Variants in PSG7 observed in about 807,000 individuals in gnomAD.
PSG7 encodes pregnancy-specific beta-1-glycoprotein 7.
PSG7 carries 57 observed loss-of-function variants against 45.6 expected under a neutral mutation model. That is an observed-to-expected ratio of 1.25 (90% CI 1.01 to 1.56). PSG7 has a LOEUF of 1.56. PSG7 is among the 40% of genes most tolerant of loss of function. PSG7 has a pLI of 0.00. For missense variants in PSG7, 796 were observed against 508.4 expected, an observed-to-expected ratio of 1.57 and a Z score of -5.44; for synonymous variants, 298 against 194.4, an observed-to-expected ratio of 1.53 and a Z score of -4.43.
At chr19:42,926,129 C>T (rs1972881793) in intron 4 of PSG7, 102 bp from the exon 5 acceptor site, 1 of 1,517,892 alleles carries the variant, frequency 6.6e-7, no homozygotes, top group South Asian at 1.3e-5. Context: ...GAGACACACC[C>T]TCAAGTGACA....
Position 42,937,203 on chromosome 19 carries a change from C to A in PSG7, c.-127G>T, listed in dbSNP as rs553437768. 145 of 1,381,776 alleles carry A rather than the reference C, an allele frequency of 1.0e-4. 4 individuals are homozygous for A. Among genetic ancestry groups the A allele is most frequent in the South Asian group, 9.4e-4 (66 of 70,214 alleles). 85.6% of individuals were successfully genotyped at this position (1,381,776 alleles called of 1,614,324 possible). A position where few individuals can be genotyped will look rare whatever the true frequency, so the allele number is the denominator to read the frequency against. On this transcript the variant is annotated 5_prime_UTR_variant, in exon 1 of 6. Coordinates refer to ENST00000406070, the MANE Select transcript of PSG7 (RefSeq NM_002783.3). ...TGAGCCTCTTCCCGGGGCAGGAGCA[C>A]TTCTCAAGCTCATGGGTGGGGTCAG...
Position 42,928,847 on chromosome 19 carries a change from A to G in PSG7, c.709+595T>C, listed in dbSNP as rs1487041857. ...TCCACCAGTGGCTGAGTTATGGATG[A>G]AAGAGACATAGACCCCTCTATATGT... is the stretch of plus-strand genomic sequence containing the variant. On this transcript the variant is annotated intron_variant, in intron 3 of 5. Transcript: ENST00000406070. Among the ~76,000 whole-genome samples, 2 of 151,486 alleles carry G rather than the reference A, an allele frequency of 1.3e-5. 1 individual carries two copies. The highest frequency in any genetic ancestry group is 4.9e-5 in the African/African-American group (2 of 41,158).
intron 5 of PSG7, 192 bp from the exon 6 acceptor site, chr19:42,925,016 A>C: frequency 1.6e-6 from 1 of 610,858 alleles, no homozygotes; most frequent in East Asian, 2.8e-5. Context: ...TTGTTTACAT[A>C]AGTGCAGCAA....
At position 42,925,898 on chromosome 19, in the gene PSG7, T is replaced by C. The variant is rs746139982; in HGVS notation, c.1118A>G (p.Gln373Arg). 9.3e-6 allele frequency: 15 copies of C among 1,612,176 alleles called. No homozygotes were observed. Among genetic ancestry groups the C allele is most frequent in the Admixed American group, 1.7e-5 (1 of 59,884 alleles). ...QYSWTINGKF[Q>R]LSGQKLSIPQ... ...GATAGAAAGCTTTTGTCCTGATAGCTGAAACTTCCCATTAATTGTCCAAGA... is the reference window on the plus strand; with the variant it reads ...GATAGAAAGCTTTTGTCCTGATAGCCGAAACTTCCCATTAATTGTCCAAGA... Residue 373 changes from glutamine (Q) to arginine (R), a missense_variant, in exon 5 of 6, where the codon CAG (glutamine) becomes CGG (arginine). Physicochemically the swap from Gln to Arg is conservative, Grantham distance 43. Coordinates refer to ENST00000406070, the MANE Select transcript of PSG7 (RefSeq NM_002783.3).
intron 2 of PSG7, among the ~76,000 whole-genome samples, chr19:42,934,717 T>G (rs1214246470): frequency 6.6e-6 from 1 of 151,540 alleles, no homozygotes; most frequent in Non-Finnish European, 1.5e-5. Context: ...TGTTTCTGCT[T>G]CTGGGGATAT....
chr19:42,933,282 T>TATATATAC (rs1197240056), intron 2 of PSG7, among the ~76,000 whole-genome samples: 16 of 7,388 alleles, frequency 2.2e-3, no homozygotes, highest in African/African-American at 6.2e-3. Context: ...TATATATATA[T>TATATATAC]ATATATATAT....
At position 42,929,707 on chromosome 19, in the gene PSG7, T is replaced by C. The variant is rs755154025; in HGVS notation, c.444A>G (p.Lys148=). The C allele has an allele frequency of 4.8e-5, 77 of 1,611,434 alleles. No individual in the cohort carries two copies. The highest frequency in any genetic ancestry group is 8.4e-5 in the Admixed American group (5 of 59,802). The change falls in exon 3 of 6, where the codon AAA becomes AAG. Residue 148 remains lysine, a synonymous_variant. Coordinates refer to ENST00000406070, the MANE Select transcript of PSG7 (RefSeq NM_002783.3). The stretch of plus-strand genomic sequence containing the variant: ...TGAAATTGCTGCTGGAGATGGAGGG[T>C]TTGGGAGTCTCCACTGTGCGGAAAA... The part of the protein sequence containing the change: ...FTFTLYLETP[K]PSISSSNFNP...
At chr19:42,931,105 T>A (rs1568458214) in intron 2 of PSG7, among the ~76,000 whole-genome samples, 1 of 151,570 alleles carries the variant, frequency 6.6e-6, no homozygotes, top group Non-Finnish European at 1.5e-5. Flanking sequence ...CGTAATACTG[T>A]AATTTTCCCA....
rs1972964218 is a variant in PSG7, at chr19:42,929,342, G to T, written c.709+100C>A. 6 of 1,602,636 alleles carry T rather than the reference G, an allele frequency of 3.7e-6. No individual in the cohort carries two copies. In the East Asian group the frequency reaches 6.7e-5, roughly 18 times the overall value. ...ACCAGCTTTGATGTCCAGGGGTAAA[G>T]GTCTACATACTTGGACCTGAGAGGG... is the stretch of plus-strand genomic sequence containing the variant. On this transcript the variant is annotated intron_variant, in intron 3 of 5. Transcript: ENST00000406070.
Position 42,925,907 on chromosome 19 carries a change from C to T in PSG7, c.1109G>A (p.Gly370Glu). 1 of 1,612,086 alleles carries T rather than the reference C, an allele frequency of 6.2e-7. No homozygotes were observed. Among genetic ancestry groups the T allele is most frequent in the Non-Finnish European group, 8.5e-7 (1 of 1,179,134 alleles). Residue 370 changes from glycine to glutamate, a missense_variant, in exon 5 of 6, where the codon GGG becomes GAG. Transcript: ENST00000406070. ...CTTTTGTCCTGATAGCTGAAACTTC[C>T]CATTAATTGTCCAAGAATACTGTGC... ...PPAQYSWTIN[G>E]KFQLSGQKLS...
rs1568459464 is a variant in PSG7 at position 42,933,286 on chromosome 19, TATATATA to T, written c.430+2111_430+2117del. 9.6e-3 allele frequency among the ~76,000 whole-genome samples: 99 copies of T among 10,332 alleles called. 7 individuals are homozygous for T. The highest frequency in any genetic ancestry group is 0.02 in the African/African-American group (92 of 4,632). The allele number at this position is 10,332 out of a possible 152,430, so 6.8% of individuals were successfully genotyped here. On this transcript the variant is annotated intron_variant, in intron 2 of 5. Transcript: ENST00000406070. ...ATTTCAATATATATATATATATATA[TATATATA>T]TATATATATATATATTTTTTTTTTT...
chr19:42,924,974 A>C, intron 5 of PSG7, 150 bp from the exon 6 acceptor site: 1 of 657,466 alleles, frequency 1.5e-6, no homozygotes, highest in South Asian at 1.8e-5. Context: ...TTTGTTTGCA[A>C]AATAGGTTGA....
At chr19:42,934,110 G>T (rs1973094632) in intron 2 of PSG7, among the ~76,000 whole-genome samples, 1 of 151,390 alleles carries the variant, frequency 6.6e-6, no homozygotes, top group African/African-American at 2.4e-5. Context: ...AAGAAAACAA[G>T]GTCCTCTCCT....
chr19:42,931,389 G>A (rs1204178704), intron 2 of PSG7, among the ~76,000 whole-genome samples: 3 of 151,484 alleles, frequency 2.0e-5, no homozygotes, highest in South Asian at 2.1e-4. Context: ...CCGTTAAAAG[G>A]ACAGAACTGG....
chr19:42,935,915 A>AAAC lies in PSG7; in HGVS notation c.65-147_65-146insGTT, dbSNP rs1179213675. 8.1e-4 allele frequency: 261 copies of AAAC among 322,546 alleles called. 3 individuals are homozygous for AAAC. In the African/African-American group the frequency reaches 8.8e-3, roughly 11 times the overall value. 20.0% of individuals were successfully genotyped at this position (322,546 alleles called of 1,614,324 possible). On this transcript the variant is annotated intron_variant, in intron 1 of 5. Transcript: ENST00000406070. The stretch of plus-strand genomic sequence containing the variant: ...ACACACACACACACACACACACACA[A>AAAC]ACACACACACACACATATAAAAGGG...
At position 42,926,876 on chromosome 19, in the gene PSG7, AG is replaced by A. The variant is rs1046880516; in HGVS notation, c.710-161del. On this transcript the variant is annotated intron_variant, in intron 3 of 5. Coordinates refer to ENST00000406070, the MANE Select transcript of PSG7 (RefSeq NM_002783.3). The stretch of plus-strand genomic sequence containing the variant: ...CACAAGGTAGATGCATGATGATCTA[AG>A]GGCTCAAAGACTGTGAGGCCACCTG... 1.0e-4 allele frequency: 137 copies of A among 1,357,854 alleles called. 2 individuals carry two copies. In the African/African-American group the frequency reaches 1.0e-3, roughly 10 times the overall value. 84.1% of individuals were successfully genotyped at this position (1,357,854 alleles called of 1,614,324 possible).
At position 42,935,735 on chromosome 19, in the gene PSG7, T is replaced by A. The variant is rs781963530; in HGVS notation, c.99A>T (p.Thr33=). The change falls in exon 2 of 6, where the codon ACA becomes ACT. Residue 33 remains threonine (T), a synonymous_variant. Transcript: ENST00000406070. The part of the protein sequence containing the change: ...SLLNFWNPPT[T]AQVTIEAQPP... Reference sequence around the variant, plus strand: ...GCTGGGCTTCAATCGTGACTTGGGCTGTGGTGGGCGGGTTCCAGAAGTTTA... The same window carrying A: ...GCTGGGCTTCAATCGTGACTTGGGCAGTGGTGGGCGGGTTCCAGAAGTTTA... The A allele has an allele frequency of 5.0e-6, 8 of 1,611,404 alleles. No homozygotes were observed. The Admixed American group carries it at 5.0e-5, about 10-fold the overall frequency.
intron 3 of PSG7, among the ~76,000 whole-genome samples, chr19:42,927,906 T>A (rs1406893672): frequency 6.6e-6 from 1 of 151,598 alleles, no homozygotes; most frequent in Non-Finnish European, 1.5e-5. Flanking sequence ...GGACAAAAAG[T>A]GTTTTGCATT....
intron 2 of PSG7, among the ~76,000 whole-genome samples, chr19:42,932,849 C>T (rs908620259): frequency 2.0e-5 from 3 of 151,406 alleles, no homozygotes; most frequent in Admixed American, 2.0e-4. Flanking sequence ...TTTCTATAAT[C>T]CCTGACTGCT....
Sources: gnomAD v4.1 joint callset for allele counts (sites outside exome capture counted in the v4.1 genomes callset) on GRCh38, gnomAD v4.1.1 for gene constraint, MANE v1.5 for transcripts, NCBI Gene and HGNC (gene_info 2026-07-23, HGNC 2026-07-21) for gene names.